The following CDH12 variants were observed in gnomAD, a reference collection of about 807,000 sequenced individuals.
CDH12 encodes the protein cadherin 12, also known as cadherin-12.
CDH12 carries 41 observed loss-of-function variants against 74.1 expected under a neutral mutation model. That is an observed-to-expected ratio of 0.55 (90% CI 0.43 to 0.72). The LOEUF (loss-of-function observed/expected upper bound fraction) is 0.72, where lower values mean the gene tolerates loss of function less well. CDH12 is among the 30% of genes least tolerant of loss of function. The pLI is 0.00. For synonymous variants in CDH12, 399 were observed against 355.0 expected, an observed-to-expected ratio of 1.12 and a Z score of -1.39; for missense variants, 945 against 977.2, an observed-to-expected ratio of 0.97 and a Z score of 0.44.
intron 4 of CDH12, among the ~76,000 whole-genome samples, chr5:22,209,453 T>TC (rs1751406107): frequency 6.6e-6 from 1 of 152,238 alleles, no homozygotes; most frequent in Non-Finnish European, 1.5e-5. Flanking sequence ...TAACGTGAGT[T>TC]CCCCTTAACT....
intron 2 of CDH12, among the ~76,000 whole-genome samples, chr5:22,435,498 A>ATGTG (rs56122496): frequency 0.16 from 20,962 of 132,994 alleles, 1,557 homozygotes; most frequent in African/African-American, 0.2. Flanking sequence ...GTGTATATAT[A>ATGTG]TGTGTGTGTG....
chr5:22,560,428 C>T (rs1234322861), intron 1 of CDH12, among the ~76,000 whole-genome samples: 1 of 152,014 alleles, frequency 6.6e-6, no homozygotes, highest in Non-Finnish European at 1.5e-5. Context: ...AAACCTATCC[C>T]TTCAGATAAG....
At chr5:21,958,461 G>T (rs1224212813) in intron 6 of CDH12, among the ~76,000 whole-genome samples, 1 of 152,016 alleles carries the variant, frequency 6.6e-6, no homozygotes, top group Non-Finnish European at 1.5e-5. Context: ...ATCTTGAGTT[G>T]ATTTTTGTAT....
intron 1 of CDH12, among the ~76,000 whole-genome samples, chr5:22,507,785 G>A (rs1736444349): frequency 6.6e-6 from 1 of 152,100 alleles, no homozygotes; most frequent in Non-Finnish European, 1.5e-5. Context: ...TCACAGTTTT[G>A]GAGGTCAGAA....
chr5:22,696,325 G>A (rs1268911569), intron 1 of CDH12, among the ~76,000 whole-genome samples: 2 of 145,214 alleles, frequency 1.4e-5, no homozygotes, highest in Non-Finnish European at 3.0e-5. Flanking sequence ...GAGCCGAGAT[G>A]GCGCCACTGC....
At chr5:21,926,640 A>ATT (rs1754595933) in intron 6 of CDH12, among the ~76,000 whole-genome samples, 1 of 152,230 alleles carries the variant, frequency 6.6e-6, no homozygotes. Flanking sequence ...AGTACCCTCC[A>ATT]TAAAAGCAAG....
chr5:22,431,350 A>G (rs1250091787), intron 2 of CDH12, among the ~76,000 whole-genome samples: 1 of 152,218 alleles, frequency 6.6e-6, no homozygotes, highest in Non-Finnish European at 1.5e-5. Flanking sequence ...TAGCCATCAT[A>G]ACATTTCAGC....
intron 1 of CDH12, among the ~76,000 whole-genome samples, chr5:22,834,489 C>G (rs1480976159): frequency 2.0e-5 from 3 of 152,070 alleles, no homozygotes; most frequent in African/African-American, 7.2e-5. Flanking sequence ...TGTTTTCTTT[C>G]ACTGTGATTT....
intron 1 of CDH12, among the ~76,000 whole-genome samples, chr5:22,614,983 G>A (rs1174478363): frequency 2.6e-5 from 4 of 152,114 alleles, no homozygotes; most frequent in Non-Finnish European, 5.9e-5. Context: ...TCCAGGGTGG[G>A]GAAGAGTGTG....
intron 6 of CDH12, among the ~76,000 whole-genome samples, chr5:21,946,451 A>G (rs1410849655): frequency 1.3e-5 from 2 of 152,200 alleles, no homozygotes; most frequent in African/African-American, 4.8e-5. Flanking sequence ...ACATAGAGGA[A>G]ATATTTAAGA....
intron 1 of CDH12, among the ~76,000 whole-genome samples, chr5:22,696,575 T>C (rs1385427162): frequency 6.6e-6 from 1 of 152,120 alleles, no homozygotes; most frequent in Non-Finnish European, 1.5e-5. Context: ...TTTTTCAATA[T>C]TTTAATTTTG....
At chr5:22,031,699 A>G (rs533769062) in intron 5 of CDH12, among the ~76,000 whole-genome samples, 1 of 152,334 alleles carries the variant, frequency 6.6e-6, no homozygotes, top group East Asian at 1.9e-4. Context: ...TGTTTCAAGA[A>G]TACGGAACCA....
intron 2 of CDH12, among the ~76,000 whole-genome samples, chr5:22,443,961 A>G (rs1405465648): frequency 1.3e-5 from 2 of 152,120 alleles, no homozygotes; most frequent in Admixed American, 1.3e-4. Context: ...TGACGCGTAC[A>G]AGGAAGAAAG....
intron 3 of CDH12, among the ~76,000 whole-genome samples, chr5:22,367,572 C>A (rs544258082): frequency 1.3e-5 from 2 of 152,208 alleles, no homozygotes; most frequent in South Asian, 2.1e-4. Context: ...AGAGAACACC[C>A]AATGACCCTT....
intron 4 of CDH12, among the ~76,000 whole-genome samples, chr5:22,163,241 T>C (rs1226807761): frequency 6.6e-6 from 1 of 152,180 alleles, no homozygotes; most frequent in Non-Finnish European, 1.5e-5. Flanking sequence ...TTATCCTGTT[T>C]ATATACATTT....
intron 5 of CDH12, among the ~76,000 whole-genome samples, chr5:22,040,476 A>G (rs1486736432): frequency 6.6e-6 from 1 of 152,172 alleles, no homozygotes; most frequent in South Asian, 2.1e-4. Flanking sequence ...TATAGTTTCA[A>G]CCCAAAGAGG....
At chr5:22,584,226 A>C (rs1336728902) in intron 1 of CDH12, among the ~76,000 whole-genome samples, 1 of 151,970 alleles carries the variant, frequency 6.6e-6, no homozygotes, top group Non-Finnish European at 1.5e-5. Flanking sequence ...CAGCCTCCCA[A>C]GTAGCTGGGA....
At chr5:22,499,302 T>C (rs1396402892) in intron 2 of CDH12, among the ~76,000 whole-genome samples, 1 of 152,210 alleles carries the variant, frequency 6.6e-6, no homozygotes, top group Admixed American at 6.5e-5. Context: ...AAGGTTATTA[T>C]GTAGTCAAGA....
chr5:22,777,209 TC>T (rs750324423), intron 1 of CDH12, among the ~76,000 whole-genome samples: 6 of 152,184 alleles, frequency 3.9e-5, no homozygotes, highest in Non-Finnish European at 8.8e-5. Context: ...AAAGAATGAT[TC>T]CCTTCTACTC....
Sources: allele counts gnomAD v4.1 joint callset (sites outside exome capture counted in the v4.1 genomes callset), GRCh38; gene constraint gnomAD v4.1.1; transcripts MANE v1.5; gene names NCBI Gene and HGNC (gene_info 2026-07-23, HGNC 2026-07-21).